The following SLC5A8 variants were observed in gnomAD, a reference collection of about 807,000 sequenced individuals.
SLC5A8 encodes sodium-coupled monocarboxylate transporter 1.
A neutral mutation model predicts 71.9 loss-of-function variants in SLC5A8; 55 were observed. That is an observed-to-expected ratio of 0.77 (90% CI 0.62 to 0.96). SLC5A8 has a LOEUF of 0.96. Ranked by LOEUF, SLC5A8 falls within the 40% of genes least tolerant of loss-of-function variation. The pLI, the probability that SLC5A8 is intolerant of heterozygous loss-of-function variation, is 0.00. For synonymous variants in SLC5A8, 307 were observed against 276.1 expected (o/e 1.11, Z -1.11); for missense variants, 701 against 745.3 (o/e 0.94, Z 0.69).
chr12:101,201,770 C>T (rs958839673), intron 3 of SLC5A8, among the ~76,000 whole-genome samples: 1 of 152,090 alleles, frequency 6.6e-6, no homozygotes, highest in Non-Finnish European at 1.5e-5. Flanking sequence ...AGCTTTTCTC[C>T]CTGCCAGATT....
chr12:101,170,375 G>A (rs956471968), intron 10 of SLC5A8, among the ~76,000 whole-genome samples: 3 of 152,020 alleles, frequency 2.0e-5, no homozygotes, highest in Non-Finnish European at 4.4e-5. Context: ...TAAAAATCCT[G>A]ACATTCCATA....
At chr12:101,190,336 C>T in intron 6 of SLC5A8, 132 bp downstream of exon 6, 3 of 999,020 alleles carry the variant, frequency 3.0e-6, no homozygotes, top group Non-Finnish European at 4.4e-6. Context: ...CTTTTGTAAC[C>T]AAATATATCA....
intron 1 of SLC5A8, 151 bp from the exon 2 acceptor site, chr12:101,204,716 C>G (rs1019589412): frequency 4.1e-5 from 25 of 612,880 alleles, no homozygotes; most frequent in Middle Eastern, 4.3e-4. Context: ...TATTTATACA[C>G]AGCAAAATTG....
At chr12:101,184,997 A>C (rs913859672) in intron 7 of SLC5A8, among the ~76,000 whole-genome samples, 4 of 152,184 alleles carry the variant, frequency 2.6e-5, no homozygotes, top group African/African-American at 7.2e-5. Context: ...GTGTCCTCTC[A>C]TTTGCACTAA....
chr12:101,162,055 A>G lies in SLC5A8; in HGVS notation c.1549T>C (p.Tyr517His). The change falls in exon 13 of 15, where the codon TAT becomes CAT. Residue 517 changes from tyrosine to histidine, a missense_variant. Physicochemically the swap from Tyr to His is moderately conservative, Grantham distance 83. Transcript: ENST00000536262. ...CTGAAGTACAGATATGATAAAGAAT[A>G]CCAGTTATCCATCAGTGGAGTCCTA... Reference protein sequence around the residue: ...VQRTPLMDNWYSLSYLYFSTV... With the variant: ...VQRTPLMDNWHSLSYLYFSTV... 1.2e-6 allele frequency: 2 copies of G among 1,613,676 alleles called. No homozygotes were observed. Among genetic ancestry groups the G allele is most frequent in the Non-Finnish European group, 1.7e-6 (2 of 1,179,714 alleles).
At chr12:101,204,605 CT>C (rs1566326491) in intron 1 of SLC5A8, 40 bp from the exon 2 acceptor site, 11 of 1,431,568 alleles carry the variant, frequency 7.7e-6, no homozygotes, top group Admixed American at 4.5e-5. Flanking sequence ...CTCTGGATGC[CT>C]TTTTTAAAAT....
At position 101,157,258 on chromosome 12, in the gene SLC5A8, A is replaced by C. The variant is rs1456582474; in HGVS notation, c.*21T>G. ...TATAAAATTGAAACATCATTTAAGG[A>C]TATCTAGTATCAGAGCAGCTTCACA... On this transcript the variant is annotated 3_prime_UTR_variant, in exon 15 of 15. Transcript: ENST00000536262. The C allele has an allele frequency of 6.2e-7, 1 of 1,605,056 alleles. No homozygotes were observed. The highest frequency in any genetic ancestry group is 2.2e-5 in the East Asian group (1 of 44,768).
chr12:101,208,286 A>G (rs1384860649), intron 1 of SLC5A8, among the ~76,000 whole-genome samples: 2 of 152,164 alleles, frequency 1.3e-5, no homozygotes, highest in Non-Finnish European at 2.9e-5. Context: ...AGATGTCACT[A>G]GAGCCCAGGC....
chr12:101,184,084 A>T, intron 8 of SLC5A8, 50 bp downstream of exon 8: 1 of 1,561,460 alleles, frequency 6.4e-7, no homozygotes, highest in Non-Finnish European at 8.8e-7. Flanking sequence ...TAATAATAAA[A>T]GAAAGATCCC....
intron 2 of SLC5A8, among the ~76,000 whole-genome samples, chr12:101,202,554 A>G (rs950029719): frequency 2.6e-5 from 4 of 151,944 alleles, no homozygotes; most frequent in Non-Finnish European, 5.9e-5. Flanking sequence ...AGAAAAAAAT[A>G]AATAATAATA....
In SLC5A8 at chr12:101,157,409, A is replaced by T. The variant is rs2051675841; in HGVS notation, c.1711-8T>A. The stretch of plus-strand genomic sequence containing the variant: ...GCTCAAAACATGCTTCTTCTAAAAG[A>T]AAATGTTAACATGGTGATTAGGGGG... On this transcript the variant is annotated splice_region_variant and splice_polypyrimidine_tract_variant and intron_variant, in intron 14 of 14. Transcript: ENST00000536262. The T allele has an allele frequency of 1.9e-6, 3 of 1,580,412 alleles. No individual in the cohort carries two copies. The African/African-American group carries it at 4.1e-5, about 21-fold the overall frequency.
In SLC5A8 at chr12:101,182,911, C is replaced by A; in HGVS notation, c.1057G>T (p.Val353Leu). 1 of 1,545,150 alleles carries A rather than the reference C, an allele frequency of 6.5e-7. No individual in the cohort carries two copies. The highest frequency in any genetic ancestry group is 1.4e-5 in the African/African-American group (1 of 70,536). The stretch of plus-strand genomic sequence containing the variant: ...GCTAAGGCATTAATACTGGAGGACA[C>A]TGTGCTGTAAGGGAAAATAAAACTT... ...ACAYSGTLST[V>L]SSSINALAAV... is the part of the protein sequence containing the mutation. The change falls in exon 9 of 15, where the codon GTG (valine) becomes TTG (leucine). Residue 353 changes from valine (V) to leucine (L), a missense_variant. Val to Leu is a conservative substitution (Grantham distance 32). Coordinates refer to ENST00000536262, the MANE Select transcript of SLC5A8 (RefSeq NM_145913.5).
At chr12:101,185,582 T>G (rs1868598147) in intron 7 of SLC5A8, among the ~76,000 whole-genome samples, 1 of 152,030 alleles carries the variant, frequency 6.6e-6, no homozygotes, top group Non-Finnish European at 1.5e-5. Flanking sequence ...TTTTTGTATT[T>G]TTTGTTTGTT....
At chr12:101,182,417 G>A (rs1593372681) in intron 9 of SLC5A8, among the ~76,000 whole-genome samples, 1 of 152,240 alleles carries the variant, frequency 6.6e-6, no homozygotes, top group Non-Finnish European at 1.5e-5. Context: ...TTACAAACTA[G>A]GGATATTTCT....
Position 101,156,652 on chromosome 12 carries a change from A to G in SLC5A8, c.*627T>C, listed in dbSNP as rs970994430. Reference sequence around the variant, plus strand: ...AACAAGCCAAAAGGCACAAGAATTAATGAACAGCACCAAGAAGACTTTGAT... The same window carrying G: ...AACAAGCCAAAAGGCACAAGAATTAGTGAACAGCACCAAGAAGACTTTGAT... On this transcript the variant is annotated 3_prime_UTR_variant, in exon 15 of 15. Coordinates refer to ENST00000536262, the MANE Select transcript of SLC5A8 (RefSeq NM_145913.5). 9 of 152,252 alleles carry G rather than the reference A, an allele frequency of 5.9e-5. No homozygotes were observed. Among genetic ancestry groups the G allele is most frequent in the Non-Finnish European group, 7.3e-5 (5 of 68,070 alleles). 9.4% of individuals were successfully genotyped at this position (152,252 alleles called of 1,614,324 possible). A position where few individuals can be genotyped will look rare whatever the true frequency, so the allele number is the denominator to read the frequency against.
chr12:101,191,445 T>A (rs1259795485), intron 5 of SLC5A8, among the ~76,000 whole-genome samples: 1 of 152,220 alleles, frequency 6.6e-6, no homozygotes. Flanking sequence ...GTGCTCTAAT[T>A]GTATGTGTAT....
chr12:101,166,532 T>C lies in SLC5A8; in HGVS notation c.1488A>G (p.Pro496=), dbSNP rs774290180. ...ETNLMTTTEM[P]FTTSVFQIYN... ...ATATTTGAAAAACACTAGTAGTAAA[T>C]GGCATTTCTGTGGTTGTCATCAAAT... Residue 496 remains proline (P), a synonymous_variant, in exon 12 of 15, where the codon CCA becomes CCG. Transcript: ENST00000536262. The C allele has an allele frequency of 1.2e-5, 20 of 1,613,778 alleles. No homozygotes were observed. The highest frequency in any genetic ancestry group is 3.3e-4 in the Middle Eastern group (2 of 6,082).
chr12:101,158,588 CTCTCTCTCTCTATATATA>C (rs1402429030), intron 13 of SLC5A8, among the ~76,000 whole-genome samples: 115 of 38,036 alleles, frequency 3.0e-3, no homozygotes, highest in African/African-American at 0.011. Flanking sequence ...CTCTCTCTCT[CTCTCTCTCTCTATATATA>C]TATATATATA....
In SLC5A8 at chr12:101,209,837, T is replaced by C. The variant is rs1368267541; in HGVS notation, c.12A>G (p.Pro4=). 2.2e-5 allele frequency: 34 copies of C among 1,561,410 alleles called. No homozygotes were observed. The highest frequency in any genetic ancestry group is 3.0e-5 in the Non-Finnish European group (34 of 1,151,466). ...ACACCACGAAGGTGCCGATGCCCCG[T>C]GGCGTGTCCATGGCCGCACGGTCGC... MDT[P]RGIGTFVVWD... The change falls in exon 1 of 15, where the codon CCA becomes CCG. Residue 4 remains proline, a synonymous_variant. Coordinates refer to ENST00000536262, the MANE Select transcript of SLC5A8 (RefSeq NM_145913.5).
Sources: gnomAD v4.1 joint callset for allele counts (sites outside exome capture counted in the v4.1 genomes callset) on GRCh38, gnomAD v4.1.1 for gene constraint, MANE v1.5 for transcripts, NCBI Gene and HGNC (gene_info 2026-07-23, HGNC 2026-07-21) for gene names.